FOXP1: variants seen among roughly 807,000 people sequenced by gnomAD.
FOXP1 encodes forkhead box protein P1.
FOXP1 carries 15 observed loss-of-function variants against 98.2 expected under a neutral mutation model. The observed-to-expected ratio is 0.15, with a 90% CI of 0.10 to 0.24. The LOEUF is 0.24. Among genes scored for constraint, FOXP1 ranks in the 10% least tolerant of loss-of-function variants. The probability of loss-of-function intolerance (pLI) is 1.00; values close to 1 mark genes in which losing one functional copy is unlikely to be tolerated. For synonymous variants in FOXP1, 371 were observed against 314.5 expected, an observed-to-expected ratio of 1.18 and a Z score of -1.90; for missense variants, 633 against 848.5, an observed-to-expected ratio of 0.75 and a Z score of 3.15.
intron 4 of FOXP1, chr3:71,333,274 G>A (rs1453833293): frequency 6.6e-6 from 1 of 152,246 alleles, no homozygotes; most frequent in East Asian, 1.9e-4. Flanking sequence ...CCAAAAGAGA[G>A]AGAGCTCTAA....
intron 2 of FOXP1, chr3:71,543,415 G>A (rs1005591327): frequency 1.3e-5 from 2 of 152,344 alleles, no homozygotes; most frequent in African/African-American, 4.8e-5. Context: ...GGGCAAAATG[G>A]GCACCAACCT....
chr3:71,556,623 T>A (rs2046159212), intron 2 of FOXP1, among the ~76,000 whole-genome samples: 1 of 145,022 alleles, frequency 6.9e-6, no homozygotes, highest in Non-Finnish European at 1.5e-5. Flanking sequence ...GTTAGTTTAC[T>A]CAATGTTGGC....
chr3:71,068,419 C>G (rs980451101), intron 7 of FOXP1, among the ~76,000 whole-genome samples: 4 of 152,250 alleles, frequency 2.6e-5, no homozygotes, highest in Admixed American at 2.6e-4. Flanking sequence ...AGCGTCTCCT[C>G]AGGACATTAT....
intron 6 of FOXP1, among the ~76,000 whole-genome samples, chr3:71,121,552 C>G (rs557484896): frequency 1.3e-5 from 2 of 152,112 alleles, no homozygotes; most frequent in South Asian, 4.2e-4. Context: ...GAGGCACTGG[C>G]TGGTTGCCCC....
Position 71,537,281 on chromosome 3 carries a change from G to C in FOXP1, c.-297-43726C>G, listed in dbSNP as rs998078758. Among the ~76,000 whole-genome samples the C allele has an allele frequency of 5.3e-5, 8 of 152,336 alleles. No individual in the cohort carries two copies. The Middle Eastern group carries it at 0.01, about 194-fold the overall frequency. ...GTTCCAGCTGGATTTAGGGTCAAAA[G>C]GTGGCCGAGGCATTGCCTTCCCAGA... On this transcript the variant is annotated intron_variant, in intron 2 of 20. Coordinates refer to ENST00000649528, the MANE Select transcript of FOXP1 (RefSeq NM_001349338.3).
intron 2 of FOXP1, among the ~76,000 whole-genome samples, chr3:71,538,031 G>C (rs530088030): frequency 5.3e-5 from 8 of 152,268 alleles, no homozygotes; most frequent in Middle Eastern, 3.4e-3. Context: ...AGACTGTATG[G>C]CCTGCAAAGC....
chr3:71,217,576 G>C (rs995885120), intron 5 of FOXP1, among the ~76,000 whole-genome samples: 5 of 152,072 alleles, frequency 3.3e-5, no homozygotes, highest in Admixed American at 3.3e-4. Context: ...CATTTGAGTA[G>C]AGTAGTATAT....
intron 2 of FOXP1, among the ~76,000 whole-genome samples, chr3:71,548,931 C>T (rs916470497): frequency 7.9e-5 from 12 of 152,116 alleles, no homozygotes; most frequent in Admixed American, 7.9e-4. Flanking sequence ...TAAATATTGC[C>T]ATTTTACAGA....
chr3:71,448,129 C>A (rs973968388), intron 3 of FOXP1, among the ~76,000 whole-genome samples: 1 of 152,146 alleles, frequency 6.6e-6, no homozygotes, highest in East Asian at 1.9e-4. Context: ...AACCCCAGCA[C>A]AGAAATAGAC....
chr3:71,191,334 A>G (rs1449710328), intron 6 of FOXP1, among the ~76,000 whole-genome samples: 1 of 152,246 alleles, frequency 6.6e-6, no homozygotes, highest in Non-Finnish European at 1.5e-5. Flanking sequence ...ACTTGTGAGT[A>G]GACAAGAGAT....
intron 6 of FOXP1, among the ~76,000 whole-genome samples, chr3:71,134,720 G>A (rs926789630): frequency 6.6e-6 from 1 of 152,142 alleles, no homozygotes; most frequent in Non-Finnish European, 1.5e-5. Flanking sequence ...GCCAAGTTAT[G>A]CTGTATATTA....
At chr3:70,960,003 G>A (rs1249334577) in intron 20 of FOXP1, among the ~76,000 whole-genome samples, 3 of 152,206 alleles carry the variant, frequency 2.0e-5, no homozygotes, top group Non-Finnish European at 2.9e-5. Context: ...GGGGACCACT[G>A]AGCAGAGGAG....
intron 3 of FOXP1, among the ~76,000 whole-genome samples, chr3:71,423,455 C>T (rs2083822629): frequency 6.6e-6 from 1 of 152,184 alleles, no homozygotes; most frequent in African/African-American, 2.4e-5. Context: ...ACACATTAGT[C>T]CTAAAGGCGT....
chr3:71,382,934 TC>T (rs1281049603), intron 3 of FOXP1, among the ~76,000 whole-genome samples: 1 of 152,254 alleles, frequency 6.6e-6, no homozygotes, highest in Admixed American at 6.5e-5. Flanking sequence ...GAGCCACTGT[TC>T]TGATGAGAAA....
rs571368609 is a variant in FOXP1 at position 71,060,275 on chromosome 3, AT to A, written c.283-6503del. 2.6e-5 allele frequency among the ~76,000 whole-genome samples: 4 copies of A among 152,168 alleles called. No homozygotes were observed. In the South Asian group the frequency reaches 8.3e-4, roughly 32 times the overall value. Reference sequence around the variant, plus strand: ...AAGAATTACAACTCAACTTTCTCAAATTGTAGTTTCTCATGCCTATTTCCAA... The same window carrying A: ...AAGAATTACAACTCAACTTTCTCAAATGTAGTTTCTCATGCCTATTTCCAA... On this transcript the variant is annotated intron_variant, in intron 7 of 20. Coordinates refer to ENST00000649528, the MANE Select transcript of FOXP1 (RefSeq NM_001349338.3).
At chr3:71,559,614 C>T (rs979295700) in intron 2 of FOXP1, among the ~76,000 whole-genome samples, 1 of 152,142 alleles carries the variant, frequency 6.6e-6, no homozygotes, top group Admixed American at 6.5e-5. Context: ...GAGGCTGAAG[C>T]AGGGACAGAT....
chr3:71,283,430 A>G (rs2071776406), intron 5 of FOXP1, among the ~76,000 whole-genome samples: 1 of 152,180 alleles, frequency 6.6e-6, no homozygotes, highest in Non-Finnish European at 1.5e-5. Flanking sequence ...GGGCCAGAGG[A>G]TGCTGGCTCA....
intron 4 of FOXP1, among the ~76,000 whole-genome samples, chr3:71,307,475 C>T (rs542246666): frequency 6.6e-6 from 1 of 152,078 alleles, no homozygotes; most frequent in African/African-American, 2.4e-5. Context: ...AAAAAGATAC[C>T]CAAAGACCCA....
chr3:71,457,106 T>TCA (rs2087580627), intron 3 of FOXP1, among the ~76,000 whole-genome samples: 1 of 151,588 alleles, frequency 6.6e-6, no homozygotes, highest in Non-Finnish European at 1.5e-5. Flanking sequence ...CTGCTAATCC[T>TCA]CACTATGAAA....
Sources: gnomAD v4.1 joint callset for allele counts (sites outside exome capture counted in the v4.1 genomes callset) on GRCh38, gnomAD v4.1.1 for gene constraint, MANE v1.5 for transcripts, NCBI Gene and HGNC (gene_info 2026-07-23, HGNC 2026-07-21) for gene names.